Variants in PRIM2 observed in about 807,000 individuals in gnomAD.
The protein encoded by PRIM2 is DNA primase subunit 2.
PRIM2 carries 39 observed loss-of-function variants against 67.3 expected under a neutral mutation model. The ratio of observed to expected loss-of-function variants is 0.58; its 90% CI spans 0.45 to 0.76. The LOEUF is 0.76. PRIM2 is among the 30% of genes least tolerant of loss of function. The pLI, the probability that PRIM2 is intolerant of heterozygous loss-of-function variation, is 0.00. For synonymous variants in PRIM2, 143 were observed against 198.7 expected (o/e 0.72, Z 2.36); for missense variants, 398 against 598.7 (o/e 0.66, Z 3.50).
chr6:57,534,164 T>C (rs1338711702), intron 9 of PRIM2, among the ~76,000 whole-genome samples: 321 of 152,282 alleles, frequency 2.1e-3, no homozygotes, highest in African/African-American at 7.4e-3. Flanking sequence ...GAGACAACTT[T>C]CCCCCCGAGT....
At chr6:57,472,355 G>C (rs1392292876) in intron 7 of PRIM2, among the ~76,000 whole-genome samples, 69 of 151,370 alleles carry the variant, frequency 4.6e-4, no homozygotes, top group African/African-American at 1.6e-3. Context: ...GCTTGAACCC[G>C]GTAGGCGGAA....
chr6:57,567,251 G>A (rs1404295597), intron 10 of PRIM2, among the ~76,000 whole-genome samples: 1 of 152,084 alleles, frequency 6.6e-6, no homozygotes, highest in Non-Finnish European at 1.5e-5. Flanking sequence ...TAGATTTTTT[G>A]TGTTTGAATT....
the PRIM2 span, among the ~76,000 whole-genome samples, chr6:57,289,902 G>A: frequency 2.6e-5 from 4 of 151,958 alleles, no homozygotes; most frequent in South Asian, 2.1e-4. Flanking sequence ...ATCAATTAAC[G>A]GGCAAAATAA....
intron 10 of PRIM2, among the ~76,000 whole-genome samples, chr6:57,540,928 A>C (rs1425594277): frequency 7.2e-5 from 11 of 152,230 alleles, no homozygotes; most frequent in African/African-American, 2.7e-4. Context: ...CTTGCACAGT[A>C]AATTGTATAT....
chr6:57,623,490 C>T (rs1776894235), intron 12 of PRIM2, among the ~76,000 whole-genome samples: 1 of 152,130 alleles, frequency 6.6e-6, no homozygotes, highest in Non-Finnish European at 1.5e-5. Flanking sequence ...TATATAGTTA[C>T]ACATCTTTCT....
At chr6:57,453,330 T>C (rs1297074209) in intron 7 of PRIM2, among the ~76,000 whole-genome samples, 1 of 152,176 alleles carries the variant, frequency 6.6e-6, no homozygotes, top group African/African-American at 2.4e-5. Flanking sequence ...AAGAAAGTCA[T>C]TGGTAGCTTG....
chr6:57,373,732 G>C (rs1769647571), intron 5 of PRIM2, among the ~76,000 whole-genome samples: 1 of 152,018 alleles, frequency 6.6e-6, no homozygotes, highest in Admixed American at 6.5e-5. Flanking sequence ...GTTTTTGTTA[G>C]GTTTGTTGAT....
chr6:57,624,827 C>T (rs1160980008), intron 12 of PRIM2, among the ~76,000 whole-genome samples: 2 of 152,100 alleles, frequency 1.3e-5, no homozygotes, highest in Non-Finnish European at 2.9e-5. Flanking sequence ...TAAAGACATG[C>T]CCAAGACTTG....
chr6:57,393,705 C>G (rs546428780), intron 7 of PRIM2, among the ~76,000 whole-genome samples: 1 of 151,944 alleles, frequency 6.6e-6, no homozygotes, highest in Non-Finnish European at 1.5e-5. Context: ...ATTGCATTTG[C>G]TTTTCGGTTC....
the PRIM2 span, among the ~76,000 whole-genome samples, chr6:57,228,837 G>C: frequency 2.6e-5 from 4 of 152,182 alleles, no homozygotes; most frequent in Admixed American, 6.6e-5. Context: ...AGTTATTAGA[G>C]GAATTTAATG....
At chr6:57,270,469 A>C in the PRIM2 span, among the ~76,000 whole-genome samples, 14 of 152,152 alleles carry the variant, frequency 9.2e-5, no homozygotes, top group African/African-American at 3.4e-4. Flanking sequence ...ATTTTTGTAC[A>C]TTGATTTTGT....
chr6:57,262,803 T>C, the PRIM2 span, among the ~76,000 whole-genome samples: 1 of 152,322 alleles, frequency 6.6e-6, no homozygotes, highest in East Asian at 1.9e-4. Flanking sequence ...ACAGAGGTTC[T>C]GCAACCTGCT....
chr6:57,521,393 T>TG (rs1554348911), intron 8 of PRIM2, among the ~76,000 whole-genome samples: 1 of 132,788 alleles, frequency 7.5e-6, no homozygotes, highest in Non-Finnish European at 1.6e-5. Flanking sequence ...TTTTTTTTTT[T>TG]AACACCCTAA....
intron 7 of PRIM2, 124 bp downstream of exon 7, chr6:57,382,292 T>A: frequency 8.9e-7 from 1 of 1,127,566 alleles, no homozygotes; most frequent in Non-Finnish European, 1.2e-6. Context: ...ATATTCAGAT[T>A]ACATATGATG....
intron 7 of PRIM2, among the ~76,000 whole-genome samples, chr6:57,504,438 G>A (rs1774211387): frequency 1.3e-5 from 2 of 152,150 alleles, no homozygotes; most frequent in Non-Finnish European, 1.5e-5. Flanking sequence ...GTTAACACTT[G>A]TCTAAAAACA....
the PRIM2 span, among the ~76,000 whole-genome samples, chr6:57,278,705 C>G: frequency 6.6e-6 from 1 of 151,060 alleles, no homozygotes; most frequent in East Asian, 1.9e-4. Flanking sequence ...ATGAAGAGTA[C>G]AGTAGAGAAA....
At chr6:57,466,994 G>A (rs1348769115) in intron 7 of PRIM2, among the ~76,000 whole-genome samples, 22 of 150,060 alleles carry the variant, frequency 1.5e-4, no homozygotes, top group Non-Finnish European at 2.4e-4. Context: ...TGGCACACCC[G>A]TATAATCCCA....
At chr6:57,415,077 A>G (rs1408120918) in intron 7 of PRIM2, among the ~76,000 whole-genome samples, 1 of 152,184 alleles carries the variant, frequency 6.6e-6, no homozygotes, top group Non-Finnish European at 1.5e-5. Context: ...ATACTCTTCT[A>G]CTTGACATGA....
the PRIM2 span, among the ~76,000 whole-genome samples, chr6:57,258,011 G>A: frequency 3.9e-5 from 6 of 152,008 alleles, no homozygotes; most frequent in Non-Finnish European, 8.8e-5. Flanking sequence ...GGTTCTCATC[G>A]GCTGGTCTTT....
Sources: gnomAD v4.1 joint callset for allele counts (sites outside exome capture counted in the v4.1 genomes callset) on GRCh38, gnomAD v4.1.1 for gene constraint, MANE v1.5 for transcripts, NCBI Gene and HGNC (gene_info 2026-07-23, HGNC 2026-07-21) for gene names.